Variants in NAP1L4 observed in about 807,000 individuals in gnomAD.
The protein encoded by NAP1L4 is nucleosome assembly protein 1 like 4, also known as nucleosome assembly protein 1-like 4.
Under a neutral mutation model 58.2 loss-of-function variants are expected in NAP1L4, and 15 were observed. The observed-to-expected ratio is 0.26, with a 90% confidence interval of 0.17 to 0.40. NAP1L4 has a LOEUF of 0.40. Among genes scored for constraint, NAP1L4 ranks in the 10% least tolerant of loss-of-function variants. The pLI is 1.00. For missense variants in NAP1L4, 384 were observed against 451.1 expected, an observed-to-expected ratio of 0.85 and a Z score of 1.35; for synonymous variants, 171 against 155.6, an observed-to-expected ratio of 1.10 and a Z score of -0.74.
intron 1 of NAP1L4, chr11:2,990,003 TAAA>T (rs1848859652): frequency 6.6e-6 from 1 of 152,218 alleles, no homozygotes. Flanking sequence ...TTATCAAACT[TAAA>T]AATGATTAAA....
In NAP1L4 at chr11:2,945,580, C is replaced by T. The variant is rs376081626; in HGVS notation, c.*99G>A. On this transcript the variant is annotated 3_prime_UTR_variant, in exon 16 of 16. Coordinates refer to ENST00000380542, the MANE Select transcript of NAP1L4 (RefSeq NM_005969.4). ...CCCACAGGCCTGGAGTCCCGACAGC[C>T]GGTCTGCCAGGCACCCGCCTCCGCT... is the stretch of plus-strand genomic sequence containing the variant. 13 of 1,535,182 alleles carry T rather than the reference C, an allele frequency of 8.5e-6. No individual in the cohort carries two copies. The highest frequency in any genetic ancestry group is 1.1e-5 in the Non-Finnish European group (13 of 1,146,176).
At position 2,960,970 on chromosome 11, in the gene NAP1L4, G is replaced by A. The variant is rs578046723; in HGVS notation, c.607-1061C>T. 1.3e-4 allele frequency among the ~76,000 whole-genome samples: 20 copies of A among 152,244 alleles called. No homozygotes were observed. The South Asian group carries it at 3.3e-3, about 25-fold the overall frequency. On this transcript the variant is annotated intron_variant, in intron 8 of 15. Transcript: ENST00000380542. ...CTCGCGGAAGCTACTCAATGTCTCC[G>A]TGCTTTAGTTTCCTCATCTCTACAC...
intron 1 of NAP1L4, among the ~76,000 whole-genome samples, chr11:2,988,411 T>C (rs564215536): frequency 8.6e-4 from 131 of 152,356 alleles, no homozygotes; most frequent in African/African-American, 2.8e-3. Context: ...CCTGCCACCA[T>C]TGAACTTGTT....
At chr11:2,991,902 C>T (rs1203122797) in intron 1 of NAP1L4, 1 of 152,262 alleles carries the variant, frequency 6.6e-6, no homozygotes, top group Non-Finnish European at 1.5e-5. Flanking sequence ...GCCGCCGCCT[C>T]TCGCCGTCTT....
intron 7 of NAP1L4, among the ~76,000 whole-genome samples, chr11:2,967,360 C>G (rs368237330): frequency 6.6e-6 from 1 of 152,166 alleles, no homozygotes; most frequent in African/African-American, 2.4e-5. Context: ...CGCCTGTAAT[C>G]CCAGCACTTT....
In NAP1L4 at chr11:2,972,122, A is replaced by G. The variant is rs747932978; in HGVS notation, c.295T>C (p.Tyr99His). The G allele has an allele frequency of 4.4e-5, 70 of 1,589,718 alleles. No homozygotes were observed. Among genetic ancestry groups the G allele is most frequent in the Non-Finnish European group, 5.7e-5 (67 of 1,172,888 alleles). The change falls in exon 5 of 16, where the codon TAC becomes CAC. Residue 99 changes from tyrosine to histidine, a missense_variant. Coordinates refer to ENST00000380542, the MANE Select transcript of NAP1L4 (RefSeq NM_005969.4). Reference protein sequence around the residue: ...HDLERKYAALYQPLFDKRREF... With the variant: ...HDLERKYAALHQPLFDKRREF... ...CCTACCTTGTCAAAGAGAGGCTGGTATAGCGCTGCATACTTTCTTTCCAAG... is the reference window on the plus strand; with the variant it reads ...CCTACCTTGTCAAAGAGAGGCTGGTGTAGCGCTGCATACTTTCTTTCCAAG...
intron 1 of NAP1L4, chr11:2,990,175 G>A (rs1299800740): frequency 6.6e-6 from 1 of 151,818 alleles, no homozygotes; most frequent in Non-Finnish European, 1.5e-5. Flanking sequence ...CAGACATTCT[G>A]AAGCTAACAC....
chr11:2,966,506 CAT>C lies in NAP1L4; in HGVS notation c.535-1757_535-1756del, dbSNP rs964295868. 7.2e-5 allele frequency among the ~76,000 whole-genome samples: 11 copies of C among 152,294 alleles called. No individual in the cohort carries two copies. In the East Asian group the frequency reaches 9.6e-4, roughly 13 times the overall value. The stretch of plus-strand genomic sequence containing the variant: ...CGGTGAGCTGTTTTTGTAGCTCCCA[CAT>C]GAGTGTGAACGTGAGGTATTTCCCC... On this transcript the variant is annotated intron_variant, in intron 7 of 15. Coordinates refer to ENST00000380542, the MANE Select transcript of NAP1L4 (RefSeq NM_005969.4).
chr11:2,977,756 C>T (rs184749226), intron 3 of NAP1L4, among the ~76,000 whole-genome samples: 1 of 149,946 alleles, frequency 6.7e-6, no homozygotes, highest in African/African-American at 2.5e-5. Flanking sequence ...GTGGGGAGTA[C>T]AGATATAGTT....
chr11:2,981,524 A>G (rs950254526), intron 1 of NAP1L4, among the ~76,000 whole-genome samples: 1 of 151,722 alleles, frequency 6.6e-6, no homozygotes, highest in Non-Finnish European at 1.5e-5. Flanking sequence ...TAGTCAGTGA[A>G]GATTTAAAAA....
chr11:2,982,675 CCTAGTACCAACACCA>C (rs1433511750), intron 1 of NAP1L4, among the ~76,000 whole-genome samples: 2 of 152,200 alleles, frequency 1.3e-5, no homozygotes, highest in African/African-American at 4.8e-5. Flanking sequence ...CTAACCTTTC[CCTAGTACCAACACCA>C]CTTCACTTCT....
intron 1 of NAP1L4, among the ~76,000 whole-genome samples, chr11:2,988,334 C>T (rs934894733): frequency 4.6e-5 from 7 of 152,200 alleles, no homozygotes; most frequent in African/African-American, 1.7e-4. Context: ...TAAGGCACTT[C>T]CCTCTCTACC....
rs573396515 is a variant in NAP1L4, at chr11:2,949,005, G to A, written c.*32+222C>T. Among the ~76,000 whole-genome samples, 1 of 152,186 alleles carries A rather than the reference G, an allele frequency of 6.6e-6. No individual in the cohort carries two copies. Among genetic ancestry groups the A allele is most frequent in the Non-Finnish European group, 1.5e-5 (1 of 68,044 alleles). On this transcript the variant is annotated intron_variant, in intron 15 of 15. Transcript: ENST00000380542. This position sits in a 1 kb window ranked among gnomAD's most constrained non-coding sequence, Gnocchi z 4.0. ...AAAATTACACCCAAGTTACATCTTTGCTACTTGGTTAGCAAGAAACACTGG... is the reference window on the plus strand; with the variant it reads ...AAAATTACACCCAAGTTACATCTTTACTACTTGGTTAGCAAGAAACACTGG...
chr11:2,982,850 G>A (rs774594581), intron 1 of NAP1L4, among the ~76,000 whole-genome samples: 1 of 152,002 alleles, frequency 6.6e-6, no homozygotes, highest in Non-Finnish European at 1.5e-5. Flanking sequence ...GTAAAACCCC[G>A]TCTCTACTAA....
chr11:2,977,558 G>A (rs539984381), intron 3 of NAP1L4, among the ~76,000 whole-genome samples: 17 of 152,220 alleles, frequency 1.1e-4, no homozygotes, highest in African/African-American at 4.1e-4. Flanking sequence ...AAAACAAAAC[G>A]CATGATCCTT....
intron 3 of NAP1L4, 120 bp from the exon 4 acceptor site, chr11:2,976,243 A>C (rs2133987520): frequency 1.5e-6 from 1 of 650,000 alleles, no homozygotes. Context: ...TAATTTCTAA[A>C]TACATACACC....
intron 7 of NAP1L4, among the ~76,000 whole-genome samples, chr11:2,966,413 T>TATCAGACCTCTC (rs1554952920): frequency 1.3e-5 from 2 of 151,548 alleles, no homozygotes; most frequent in African/African-American, 2.4e-5. Flanking sequence ...CTGTATCTGA[T>TATCAGACCTCTC]AACAGACCTC....
chr11:2,975,240 C>A (rs1847881597), intron 4 of NAP1L4, among the ~76,000 whole-genome samples: 1 of 151,874 alleles, frequency 6.6e-6, no homozygotes, highest in African/African-American at 2.4e-5. Flanking sequence ...ATTACTTGAG[C>A]TCAGGAGTTC....
rs1399068781 is a variant in NAP1L4 at position 2,971,883 on chromosome 11, G to A, written c.315+219C>T. On this transcript the variant is annotated intron_variant, in intron 5 of 15. Coordinates refer to ENST00000380542, the MANE Select transcript of NAP1L4 (RefSeq NM_005969.4). This position sits in a 1 kb window ranked among gnomAD's most constrained non-coding sequence, Gnocchi z 4.2. ...TTCAATACATTACGCGAGATACTCA[G>A]CACTTTATTATAAAATAGGCTTTGT... Among the ~76,000 whole-genome samples the A allele has an allele frequency of 3.3e-5, 5 of 152,286 alleles. No homozygotes were observed. The South Asian group carries it at 8.3e-4, about 25-fold the overall frequency.
Sources: allele counts gnomAD v4.1 joint callset (sites outside exome capture counted in the v4.1 genomes callset), GRCh38; gene constraint gnomAD v4.1.1; non-coding constraint Gnocchi (gnomAD v3.1); transcripts MANE v1.5; gene names NCBI Gene and HGNC (gene_info 2026-07-23, HGNC 2026-07-21).